DAG1: variants seen among roughly 807,000 people sequenced by gnomAD.
DAG1 encodes dystroglycan 1 (dystrophin-associated glycoprotein 1).
A neutral mutation model predicts 46.1 loss-of-function variants in DAG1; 8 were observed. The observed-to-expected ratio is 0.17, with a 90% CI of 0.10 to 0.31. The LOEUF (loss-of-function observed/expected upper bound fraction) is 0.31. DAG1 is among the 10% of genes least tolerant of loss of function. DAG1 has a pLI of 1.00. For synonymous variants in DAG1, 495 were observed against 481.8 expected (o/e 1.03, Z -0.36); for missense variants, 1,003 against 1,189.9 (o/e 0.84, Z 2.31).
At chr3:49,513,238 G>A (rs2050809563) in intron 2 of DAG1, among the ~76,000 whole-genome samples, 1 of 152,070 alleles carries the variant, frequency 6.6e-6, no homozygotes, top group African/African-American at 2.4e-5. Flanking sequence ...AGCTTAGCTG[G>A]GGCTGTTGGT....
At position 49,499,928 on chromosome 3, in the gene DAG1, G is replaced by GTCAC. The variant is rs567529791; in HGVS notation, c.-116-10489_-116-10486dup. On this transcript the variant is annotated intron_variant, in intron 1 of 2. Coordinates refer to ENST00000308775, the MANE Select transcript of DAG1 (RefSeq NM_004393.6). ...GCTTTAATATATTTTGGCTACAAAG[G>GTCAC]TCACTACCTTTTAGGTATTATTGAT... Among the ~76,000 whole-genome samples, 11 of 151,678 alleles carry GTCAC rather than the reference G, an allele frequency of 7.3e-5. No homozygotes were observed. The South Asian group carries it at 2.3e-3, about 32-fold the overall frequency.
At chr3:49,487,937 C>T (rs1486030258) in intron 1 of DAG1, among the ~76,000 whole-genome samples, 4 of 151,798 alleles carry the variant, frequency 2.6e-5, no homozygotes, top group African/African-American at 9.7e-5. Context: ...CTCCTGACCT[C>T]GTGATCTGCC....
intron 1 of DAG1, among the ~76,000 whole-genome samples, chr3:49,489,571 T>A (rs1457185745): frequency 6.6e-6 from 1 of 152,068 alleles, no homozygotes; most frequent in Non-Finnish European, 1.5e-5. Flanking sequence ...TGATTTGGGT[T>A]TTTTTTCCTC....
chr3:49,476,210 A>G (rs2049679322), intron 1 of DAG1, among the ~76,000 whole-genome samples: 1 of 152,230 alleles, frequency 6.6e-6, no homozygotes, highest in Admixed American at 6.6e-5. Flanking sequence ...GCAGGATTCT[A>G]CTGGAACAAT....
At chr3:49,485,742 G>C (rs1559550965) in intron 1 of DAG1, among the ~76,000 whole-genome samples, 1 of 144,288 alleles carries the variant, frequency 6.9e-6, no homozygotes, top group Non-Finnish European at 1.5e-5. Flanking sequence ...GCTCACTGCA[G>C]TCTGAATTCC....
chr3:49,487,658 T>TTG (rs1484965486), intron 1 of DAG1, among the ~76,000 whole-genome samples: 15 of 151,706 alleles, frequency 9.9e-5, no homozygotes, highest in Non-Finnish European at 1.8e-4. Flanking sequence ...TACTACATAT[T>TTG]TGTTATTATT....
At chr3:49,492,135 C>T (rs542831806) in intron 1 of DAG1, among the ~76,000 whole-genome samples, 1 of 151,906 alleles carries the variant, frequency 6.6e-6, no homozygotes, top group East Asian at 2.0e-4. Context: ...CCATGTTGGT[C>T]AGGCTGTTCT....
chr3:49,484,100 A>G (rs2049953895), intron 1 of DAG1, among the ~76,000 whole-genome samples: 1 of 152,170 alleles, frequency 6.6e-6, no homozygotes, highest in Admixed American at 6.5e-5. Context: ...AATAGATAAC[A>G]GTAGGATTCC....
chr3:49,523,678 G>A (rs1270133768), intron 2 of DAG1, among the ~76,000 whole-genome samples: 1 of 152,198 alleles, frequency 6.6e-6, no homozygotes, highest in Non-Finnish European at 1.5e-5. Context: ...GGAGAACTAG[G>A]GAGAGGAGCC....
chr3:49,480,704 A>G (rs2049853596), intron 1 of DAG1, among the ~76,000 whole-genome samples: 1 of 132,272 alleles, frequency 7.6e-6, no homozygotes, highest in Admixed American at 7.6e-5. Context: ...GAAGGAGGTT[A>G]TTTCTTACTT....
chr3:49,487,792 C>T (rs544358955), intron 1 of DAG1, among the ~76,000 whole-genome samples: 4 of 150,000 alleles, frequency 2.7e-5, no homozygotes, highest in Non-Finnish European at 5.9e-5. Context: ...CTCCGCCTCC[C>T]GGGTTCAAGC....
intron 2 of DAG1, among the ~76,000 whole-genome samples, chr3:49,513,514 C>G (rs1232193964): frequency 6.6e-6 from 1 of 151,996 alleles, no homozygotes; most frequent in Admixed American, 6.6e-5. Flanking sequence ...AAGTTCTATG[C>G]CACTCTTTCC....
intron 1 of DAG1, among the ~76,000 whole-genome samples, chr3:49,475,140 T>G (rs1337772722): frequency 6.6e-6 from 1 of 150,394 alleles, no homozygotes; most frequent in Admixed American, 6.7e-5. Context: ...GTTTCGCTTT[T>G]GTTACCCAGA....
chr3:49,498,804 G>A (rs1205426374), intron 1 of DAG1, among the ~76,000 whole-genome samples: 1 of 151,834 alleles, frequency 6.6e-6, no homozygotes, highest in Non-Finnish European at 1.5e-5. Context: ...ACCATCCTGG[G>A]TTCAAGCAGT....
rs1559580034 is a variant in DAG1, at chr3:49,532,250, C to T, written c.1739C>T (p.Thr580Ile). 1 of 1,613,926 alleles carries T rather than the reference C, an allele frequency of 6.2e-7. No individual in the cohort carries two copies. The highest frequency in any genetic ancestry group is 8.5e-7 in the Non-Finnish European group (1 of 1,179,800). ...AAACACGAGTATTTCATGCATGCCA[C>T]AGACAAGGGGGGCCTGTCGGCTGTG... ...VGKHEYFMHA[T>I]DKGGLSAVDA... is the part of the protein sequence containing the mutation. The change falls in exon 3 of 3, where the codon ACA (threonine) becomes ATA (isoleucine). Residue 580 changes from threonine (T) to isoleucine (I), a missense_variant. By Grantham distance (89) the Thr-to-Ile change is moderately conservative. Around this residue, in one of 3 missense-constraint regions of DAG1, gnomAD observed 755 missense variants for 854.1 expected, o/e 0.88. Transcript: ENST00000308775. The surrounding 1 kb of genome is among the most constrained non-coding windows in gnomAD (Gnocchi z 5.4).
intron 1 of DAG1, among the ~76,000 whole-genome samples, chr3:49,500,475 G>A (rs1270666392): frequency 6.6e-6 from 1 of 150,862 alleles, no homozygotes; most frequent in African/African-American, 2.5e-5. Flanking sequence ...CTCAGGGTCT[G>A]GGGTCTGGGG....
chr3:49,490,086 G>T (rs1187188746), intron 1 of DAG1, among the ~76,000 whole-genome samples: 1 of 152,140 alleles, frequency 6.6e-6, no homozygotes, highest in Non-Finnish European at 1.5e-5. Context: ...GGGCGCGGTG[G>T]CTTACGCCTG....
At chr3:49,483,954 C>T (rs1186528356) in intron 1 of DAG1, among the ~76,000 whole-genome samples, 2 of 152,254 alleles carry the variant, frequency 1.3e-5, no homozygotes, top group East Asian at 3.9e-4. Flanking sequence ...ACACCCGGCC[C>T]AGAAGTGTCT....
At chr3:49,488,128 A>G (rs557067849) in intron 1 of DAG1, among the ~76,000 whole-genome samples, 8 of 152,164 alleles carry the variant, frequency 5.3e-5, no homozygotes, top group Admixed American at 1.3e-4. Flanking sequence ...CTGGCTAACT[A>G]TTAAGTACCA....
Sources: allele counts gnomAD v4.1 joint callset (sites outside exome capture counted in the v4.1 genomes callset), GRCh38; gene constraint gnomAD v4.1.1; regional missense constraint gnomAD v4.1.1; non-coding constraint Gnocchi (gnomAD v3.1); transcripts MANE v1.5; gene names NCBI Gene and HGNC (gene_info 2026-07-23, HGNC 2026-07-21).